ADAMTSL3: variants seen among roughly 807,000 people sequenced by gnomAD.
ADAMTSL3 encodes ADAMTS-like protein 3.
In ADAMTSL3, 128 loss-of-function variants were observed where a neutral mutation model predicts 201.7. The ratio of observed to expected loss-of-function variants is 0.63; its 90% CI spans 0.55 to 0.73. ADAMTSL3 has a LOEUF of 0.73. Among genes scored for constraint, ADAMTSL3 ranks in the 30% least tolerant of loss-of-function variants. ADAMTSL3 has a pLI of 0.00. For missense variants in ADAMTSL3, 1,990 were observed against 2,119.6 expected, an observed-to-expected ratio of 0.94 and a Z score of 1.20; for synonymous variants, 738 against 748.4, an observed-to-expected ratio of 0.99 and a Z score of 0.23.
At position 83,804,677 on chromosome 15, in the gene ADAMTSL3, C is replaced by T; in HGVS notation, c.345C>T (p.Tyr115=). ...ATTGTGAAGGGCAGAACATTCGGTA[C>T]AAGACATGCAGCAATCATGTAAGTC... ...GRNCEGQNIR[Y]KTCSNHDCPP... Residue 115 remains tyrosine (Y), a synonymous_variant, in exon 5 of 30, where the codon TAC becomes TAT. Coordinates refer to ENST00000286744, the MANE Select transcript of ADAMTSL3 (RefSeq NM_207517.3). The T allele has an allele frequency of 6.3e-7, 1 of 1,582,468 alleles. No individual in the cohort carries two copies.
At chr15:83,961,891 C>G (rs910392556) in intron 19 of ADAMTSL3, 1 of 152,132 alleles carries the variant, frequency 6.6e-6, no homozygotes, top group Non-Finnish European at 1.5e-5. Flanking sequence ...TATCAGAAAT[C>G]TTGACATTAT....
chr15:83,819,661 CAAA>C (rs11301352), intron 5 of ADAMTSL3, 147 bp from the exon 6 acceptor site: 26,995 of 490,962 alleles, frequency 0.055, no homozygotes, highest in South Asian at 0.1. Flanking sequence ...AACGTTGAAT[CAAA>C]AAAAAAAAAA....
intron 9 of ADAMTSL3, among the ~76,000 whole-genome samples, chr15:83,883,354 G>A (rs1205445969): frequency 6.6e-6 from 1 of 151,106 alleles, no homozygotes; most frequent in Admixed American, 6.6e-5. Context: ...TGTATTTTTA[G>A]TGGAGCCAGG....
intron 4 of ADAMTSL3, among the ~76,000 whole-genome samples, chr15:83,773,999 G>C (rs1427636812): frequency 6.6e-6 from 1 of 152,130 alleles, no homozygotes; most frequent in Non-Finnish European, 1.5e-5. Context: ...TCCAGTTCTT[G>C]TTCATCTATT....
chr15:83,705,264 G>A (rs1276288671), intron 3 of ADAMTSL3, among the ~76,000 whole-genome samples: 1 of 152,130 alleles, frequency 6.6e-6, no homozygotes, highest in Non-Finnish European at 1.5e-5. Flanking sequence ...GGGCCTGGGT[G>A]GATCTGGCAG....
In ADAMTSL3 at chr15:84,025,279, G is replaced by A; in HGVS notation, c.4499G>A (p.Gly1500Asp). ...SVWSQCSVSC[G>D]EGYHSRQVTC... Reference sequence around the variant, plus strand: ...TGGTCACAGTGCTCTGTGTCTTGCGGTGAAGGATACCACAGTCGGCAGGTG... The same window carrying A: ...TGGTCACAGTGCTCTGTGTCTTGCGATGAAGGATACCACAGTCGGCAGGTG... Residue 1500 changes from glycine (G) to aspartate (D), a missense_variant, in exon 27 of 30, where the codon GGT (glycine) becomes GAT (aspartate). Gly to Asp is a moderately conservative substitution (Grantham distance 94). Transcript: ENST00000286744. 1 of 1,613,492 alleles carries A rather than the reference G, an allele frequency of 6.2e-7. No individual in the cohort carries two copies. The highest frequency in any genetic ancestry group is 8.5e-7 in the Non-Finnish European group (1 of 1,179,678).
intron 2 of ADAMTSL3, among the ~76,000 whole-genome samples, chr15:83,700,775 A>C (rs762150707): frequency 1.3e-5 from 2 of 152,216 alleles, no homozygotes; most frequent in Non-Finnish European, 2.9e-5. Context: ...AAAAAATTAA[A>C]GTAAAAAAAA....
At chr15:83,686,872 T>C (rs944646214) in intron 2 of ADAMTSL3, among the ~76,000 whole-genome samples, 1 of 152,162 alleles carries the variant, frequency 6.6e-6, no homozygotes, top group African/African-American at 2.4e-5. Flanking sequence ...TATATAACTG[T>C]ACATTTTCTA....
At chr15:83,913,513 G>A in intron 16 of ADAMTSL3, 135 bp downstream of exon 16, 1 of 942,842 alleles carries the variant, frequency 1.1e-6, no homozygotes, top group Non-Finnish European at 1.5e-6. Flanking sequence ...AACTGAAAAT[G>A]ATACTTTTTC....
intron 3 of ADAMTSL3, among the ~76,000 whole-genome samples, chr15:83,744,166 A>T (rs1292995571): frequency 3.3e-5 from 5 of 152,212 alleles, no homozygotes; most frequent in East Asian, 1.9e-4. Context: ...TTTTTATTTT[A>T]AAAAAAGGCA....
At chr15:83,888,891 G>A (rs867959695) in intron 10 of ADAMTSL3, among the ~76,000 whole-genome samples, 34 of 152,276 alleles carry the variant, frequency 2.2e-4, no homozygotes, top group African/African-American at 9.6e-5. Context: ...GATTCCTCTC[G>A]ACAATCAGGA....
intron 3 of ADAMTSL3, among the ~76,000 whole-genome samples, chr15:83,736,767 C>A (rs1718935522): frequency 6.6e-6 from 1 of 152,142 alleles, no homozygotes; most frequent in Non-Finnish European, 1.5e-5. Flanking sequence ...TAGCCAGAGA[C>A]CTCTAGGAGA....
chr15:83,769,434 A>G (rs909312954), intron 3 of ADAMTSL3, among the ~76,000 whole-genome samples: 1 of 152,342 alleles, frequency 6.6e-6, no homozygotes, highest in Non-Finnish European at 1.5e-5. Context: ...ATTATGTTAT[A>G]GACAGGGCAC....
Position 84,037,765 on chromosome 15 carries a change from C to G in ADAMTSL3, c.5035C>G (p.Arg1679Gly). ...ACATCTTAATTTGTGTTCTCTAGAC[C>G]GCTACAAACAAAGGTGCTGCCAGTC... Reference protein sequence around the residue: ...VKHLNLCSLDRYKQRCCQSCQ... With the variant: ...VKHLNLCSLDGYKQRCCQSCQ... Residue 1679 changes from arginine to glycine, a missense_variant, in exon 30 of 30, where the codon CGC becomes GGC. Coordinates refer to ENST00000286744, the MANE Select transcript of ADAMTSL3 (RefSeq NM_207517.3). The G allele has an allele frequency of 6.2e-7, 1 of 1,613,878 alleles. No individual in the cohort carries two copies. The highest frequency in any genetic ancestry group is 1.1e-5 in the South Asian group (1 of 91,018).
intron 3 of ADAMTSL3, among the ~76,000 whole-genome samples, chr15:83,706,239 G>A (rs550706245): frequency 5.9e-5 from 9 of 152,178 alleles, no homozygotes; most frequent in Admixed American, 1.3e-4. Context: ...AGTGGTTAAT[G>A]TCTTCTCCAG....
chr15:83,722,843 A>G (rs1567099488), intron 3 of ADAMTSL3, among the ~76,000 whole-genome samples: 1 of 152,124 alleles, frequency 6.6e-6, no homozygotes, highest in Non-Finnish European at 1.5e-5. Context: ...AATTGTTAAC[A>G]TATGTAATAG....
intron 2 of ADAMTSL3, among the ~76,000 whole-genome samples, chr15:83,701,935 A>G (rs1418563452): frequency 6.6e-6 from 1 of 152,212 alleles, no homozygotes; most frequent in East Asian, 1.9e-4. Flanking sequence ...AGGGCTCAGA[A>G]GAAGACAGGA....
intron 19 of ADAMTSL3, among the ~76,000 whole-genome samples, chr15:83,949,445 A>G (rs77179737): frequency 9.4e-4 from 143 of 152,230 alleles, no homozygotes; most frequent in African/African-American, 3.3e-3. Context: ...TATCTTGGCT[A>G]TTGTGAATAC....
In ADAMTSL3 at chr15:83,920,461, C is replaced by T. The variant is rs531371431; in HGVS notation, c.1988-3443C>T. Among the ~76,000 whole-genome samples the T allele has an allele frequency of 1.4e-4, 22 of 152,300 alleles. No individual in the cohort carries two copies. In the South Asian group the frequency reaches 4.6e-3, roughly 32 times the overall value. ...AAGAACTCACCTATTTGAAGTGCTA[C>T]AAAACTTGCATTTTAACACCAAACA... On this transcript the variant is annotated intron_variant, in intron 16 of 29. Coordinates refer to ENST00000286744, the MANE Select transcript of ADAMTSL3 (RefSeq NM_207517.3).
Sources: gnomAD v4.1 joint callset for allele counts (sites outside exome capture counted in the v4.1 genomes callset) on GRCh38, gnomAD v4.1.1 for gene constraint, MANE v1.5 for transcripts, NCBI Gene and HGNC (gene_info 2026-07-23, HGNC 2026-07-21) for gene names.